ARHGAP10: variants seen among roughly 807,000 people sequenced by gnomAD.
The protein encoded by ARHGAP10 is Rho GTPase activating protein 10.
Under a neutral mutation model 108.6 loss-of-function variants are expected in ARHGAP10, and 87 were observed. The observed-to-expected ratio is 0.80, with a 90% CI of 0.67 to 0.96. The LOEUF (loss-of-function observed/expected upper bound fraction) is 0.96, where lower values mean the gene tolerates loss of function less well. Among genes scored for constraint, ARHGAP10 ranks in the 40% least tolerant of loss-of-function variants. The probability of loss-of-function intolerance (pLI) is 0.00; values close to 1 mark genes in which losing one functional copy is unlikely to be tolerated. For missense variants in ARHGAP10, 939 were observed against 954.5 expected, an observed-to-expected ratio of 0.98 and a Z score of 0.21; for synonymous variants, 347 against 341.1, an observed-to-expected ratio of 1.02 and a Z score of -0.19.
At position 147,985,503 on chromosome 4, in the gene ARHGAP10, T is replaced by A. The variant is rs535651004; in HGVS notation, c.1716+18664T>A. Among the ~76,000 whole-genome samples the A allele has an allele frequency of 5.3e-5, 8 of 152,254 alleles. No homozygotes were observed. The South Asian group carries it at 1.7e-3, about 32-fold the overall frequency. On this transcript the variant is annotated intron_variant, in intron 18 of 22. Coordinates refer to ENST00000336498, the MANE Select transcript of ARHGAP10 (RefSeq NM_024605.4). Reference sequence around the variant, plus strand: ...ACCATGGCTACAGCGACTCTCCTCTTACTTTTGGACCTGTGATGGGGGAGA... The same window carrying A: ...ACCATGGCTACAGCGACTCTCCTCTAACTTTTGGACCTGTGATGGGGGAGA...
intron 15 of ARHGAP10, among the ~76,000 whole-genome samples, chr4:147,947,215 A>G (rs866387892): frequency 2.7e-5 from 4 of 145,832 alleles, no homozygotes; most frequent in Middle Eastern, 3.5e-3. Context: ...GCATTTTTTT[A>G]TGAGTCACTG....
chr4:147,877,719 T>C (rs1735131030), intron 8 of ARHGAP10, among the ~76,000 whole-genome samples: 1 of 152,112 alleles, frequency 6.6e-6, no homozygotes, highest in Admixed American at 6.6e-5. Context: ...CTGATGGTGG[T>C]ACTGCTGACT....
At chr4:147,967,448 T>G (rs1739246966) in intron 18 of ARHGAP10, among the ~76,000 whole-genome samples, 1 of 152,198 alleles carries the variant, frequency 6.6e-6, no homozygotes, top group Non-Finnish European at 1.5e-5. Flanking sequence ...AGGCATTGCA[T>G]CTGGGGAGCA....
intron 4 of ARHGAP10, among the ~76,000 whole-genome samples, chr4:147,857,119 T>C (rs938402156): frequency 6.6e-6 from 1 of 152,236 alleles, no homozygotes; most frequent in African/African-American, 2.4e-5. Context: ...CCCAAAGTGC[T>C]GAGATTACAG....
intron 14 of ARHGAP10, among the ~76,000 whole-genome samples, chr4:147,941,846 AT>A (rs1404623246): frequency 6.6e-6 from 1 of 152,196 alleles, no homozygotes; most frequent in Non-Finnish European, 1.5e-5. Context: ...CTATTTCCTA[AT>A]CACTTAAATG....
chr4:148,022,397 C>T (rs938329203), intron 18 of ARHGAP10, among the ~76,000 whole-genome samples: 1 of 152,170 alleles, frequency 6.6e-6, no homozygotes, highest in Non-Finnish European at 1.5e-5. Flanking sequence ...GGAGATGCAG[C>T]TTCTATTAGG....
At chr4:147,784,851 T>C (rs1199887333) in intron 1 of ARHGAP10, among the ~76,000 whole-genome samples, 13 of 104,060 alleles carry the variant, frequency 1.2e-4, no homozygotes, top group Non-Finnish European at 2.0e-4. Context: ...AAAATATATA[T>C]TATAAATATA....
At chr4:147,909,517 A>G (rs1432636372) in intron 11 of ARHGAP10, among the ~76,000 whole-genome samples, 1 of 152,222 alleles carries the variant, frequency 6.6e-6, no homozygotes, top group Non-Finnish European at 1.5e-5. Flanking sequence ...TCTTGTTATG[A>G]ATAACAAAAG....
chr4:147,820,002 A>G (rs1217088985), intron 1 of ARHGAP10, among the ~76,000 whole-genome samples: 1 of 152,162 alleles, frequency 6.6e-6, no homozygotes, highest in African/African-American at 2.4e-5. Context: ...AGTTTGGGTG[A>G]ATGAGTAAGT....
chr4:147,765,174 G>A (rs1411335848), intron 1 of ARHGAP10, among the ~76,000 whole-genome samples: 1 of 152,086 alleles, frequency 6.6e-6, no homozygotes, highest in Non-Finnish European at 1.5e-5. Context: ...AGTTTTTCTT[G>A]TTAGGCATAA....
chr4:147,871,210 G>A (rs1734812236), intron 7 of ARHGAP10, among the ~76,000 whole-genome samples: 1 of 151,946 alleles, frequency 6.6e-6, no homozygotes, highest in African/African-American at 2.4e-5. Flanking sequence ...CGCCCACCTC[G>A]GCCTCCCAAA....
intron 4 of ARHGAP10, among the ~76,000 whole-genome samples, chr4:147,849,168 G>A (rs934311376): frequency 2.0e-5 from 3 of 151,458 alleles, no homozygotes; most frequent in Non-Finnish European, 4.4e-5. Context: ...TCTGTGTTCT[G>A]TAATGATATG....
At chr4:147,794,333 T>G (rs1318453897) in intron 1 of ARHGAP10, among the ~76,000 whole-genome samples, 2 of 152,232 alleles carry the variant, frequency 1.3e-5, no homozygotes, top group Non-Finnish European at 2.9e-5. Context: ...AGGCAACATT[T>G]TATGTCAATC....
At chr4:147,912,996 A>T in intron 12 of ARHGAP10, 78 bp from the exon 13 acceptor site, 15 of 1,372,638 alleles carry the variant, frequency 1.1e-5, no homozygotes, top group Admixed American at 1.8e-5. Context: ...GATTTAAATA[A>T]TTTTTCCTAT....
chr4:147,911,046 C>G (rs984110741), intron 12 of ARHGAP10, among the ~76,000 whole-genome samples: 1 of 152,000 alleles, frequency 6.6e-6, no homozygotes, highest in Non-Finnish European at 1.5e-5. Flanking sequence ...CTCATTCCCT[C>G]CTCTCCCCTT....
At chr4:147,820,885 T>A (rs369403109) in intron 1 of ARHGAP10, among the ~76,000 whole-genome samples, 216 of 152,190 alleles carry the variant, frequency 1.4e-3, no homozygotes, top group African/African-American at 4.8e-3. Context: ...ACCACCACAC[T>A]GGCCATATTT....
chr4:147,788,857 T>C (rs1324276280), intron 1 of ARHGAP10, among the ~76,000 whole-genome samples: 1 of 152,230 alleles, frequency 6.6e-6, no homozygotes, highest in African/African-American at 2.4e-5. Flanking sequence ...TTTATTAAGC[T>C]ACAAGCTGTA....
At chr4:148,028,588 A>G (rs1025813815) in intron 19 of ARHGAP10, among the ~76,000 whole-genome samples, 1 of 152,216 alleles carries the variant, frequency 6.6e-6, no homozygotes, top group Admixed American at 6.5e-5. Context: ...AGCCAGGGAA[A>G]GGTGCTTTAG....
At position 147,966,718 on chromosome 4, in the gene ARHGAP10, C is replaced by T. The variant is rs1351467223; in HGVS notation, c.1595C>T (p.Ala532Val). ...TCCAAGCAGAACCTGATGACTGTGG[C>T]AAACTTAGGAGTGGTGTTTGGACCA... ...NHSKQNLMTVANLGVVFGPTL... is the reference protein window; with the variant it reads ...NHSKQNLMTVVNLGVVFGPTL... The change falls in exon 18 of 23, where the codon GCA becomes GTA. Residue 532 changes from alanine to valine, a missense_variant. Transcript: ENST00000336498. The T allele has an allele frequency of 1.3e-6, 2 of 1,593,518 alleles. No individual in the cohort carries two copies. Among genetic ancestry groups the T allele is most frequent in the African/African-American group, 1.3e-5 (1 of 74,696 alleles).
Sources: gnomAD v4.1 joint callset for allele counts (sites outside exome capture counted in the v4.1 genomes callset) on GRCh38, gnomAD v4.1.1 for gene constraint, MANE v1.5 for transcripts, NCBI Gene and HGNC (gene_info 2026-07-23, HGNC 2026-07-21) for gene names.